The following IHO1 variants were observed in gnomAD, a reference collection of about 807,000 sequenced individuals.
The protein encoded by IHO1 is interactor of HORMAD1 protein 1.
A neutral mutation model predicts 31.0 loss-of-function variants in IHO1; 13 were observed. The ratio of observed to expected loss-of-function variants is 0.42; its 90% CI spans 0.27 to 0.67. IHO1 has a LOEUF of 0.67. Among genes scored for constraint, IHO1 ranks in the 30% least tolerant of loss-of-function variants. The probability of loss-of-function intolerance (pLI) is 0.24; values close to 1 mark genes in which losing one functional copy is unlikely to be tolerated. For synonymous variants in IHO1, 221 were observed against 248.4 expected (o/e 0.89, Z 1.04); for missense variants, 599 against 687.5 (o/e 0.87, Z 1.44).
the IHO1 span, among the ~76,000 whole-genome samples, chr3:49,193,239 G>T: frequency 6.6e-6 from 1 of 151,964 alleles, no homozygotes; most frequent in South Asian, 2.1e-4. Context: ...GGGTGTGGTG[G>T]CACACGCCTG....
At chr3:49,229,306 A>G (rs2046455126) in intron 2 of IHO1, among the ~76,000 whole-genome samples, 1 of 152,224 alleles carries the variant, frequency 6.6e-6, no homozygotes, top group Non-Finnish European at 1.5e-5. Flanking sequence ...GAAACCCCGC[A>G]AAAGTTCCAA....
chr3:49,226,838 C>T (rs2046424756), intron 2 of IHO1, among the ~76,000 whole-genome samples: 2 of 152,156 alleles, frequency 1.3e-5, no homozygotes, highest in South Asian at 2.1e-4. Context: ...CCAGATCTAC[C>T]TTGATCTGCT....
intron 2 of IHO1, among the ~76,000 whole-genome samples, chr3:49,224,298 C>T (rs747087978): frequency 1.1e-4 from 17 of 151,906 alleles, no homozygotes; most frequent in Non-Finnish European, 1.5e-4. Flanking sequence ...TTCCACCTGG[C>T]AGCAATTTTG....
upstream of IHO1, among the ~76,000 whole-genome samples, chr3:49,196,950 G>C (rs1325308534): frequency 7.2e-6 from 1 of 138,958 alleles, no homozygotes; most frequent in African/African-American, 2.7e-5. Flanking sequence ...GATTACAGGA[G>C]TGAGCCACTG....
intron 1 of IHO1, chr3:49,200,522 A>AGG (rs2046055327): frequency 2.1e-6 from 2 of 962,892 alleles, no homozygotes; most frequent in South Asian, 9.6e-5. Context: ...AAAGAAAAGA[A>AGG]AAAAGATTGT....
Position 49,204,040 on chromosome 3 carries a change from C to T in IHO1, c.-16+4467C>T, listed in dbSNP as rs996217548. Among the ~76,000 whole-genome samples the T allele has an allele frequency of 2.0e-5, 3 of 152,070 alleles. No homozygotes were observed. The East Asian group carries it at 5.8e-4, about 29-fold the overall frequency. On this transcript the variant is annotated intron_variant, in intron 1 of 7. Transcript: ENST00000452691. The stretch of plus-strand genomic sequence containing the variant: ...AATTTATTTCTCACAGTTTTTGAGG[C>T]TAGAAAGTTCAATATCAAGGTACCA...
At chr3:49,204,856 C>T (rs565412195) in intron 1 of IHO1, among the ~76,000 whole-genome samples, 1 of 151,840 alleles carries the variant, frequency 6.6e-6, no homozygotes, top group Admixed American at 6.6e-5. Context: ...AACCCCATCT[C>T]TACTAAAAAA....
chr3:49,203,794 A>T (rs1014762470), intron 1 of IHO1, among the ~76,000 whole-genome samples: 23 of 152,162 alleles, frequency 1.5e-4, no homozygotes, highest in Non-Finnish European at 4.4e-5. Context: ...AGGAATTAGT[A>T]TAGTATTTGC....
At chr3:49,202,894 C>T (rs1292240559) in intron 1 of IHO1, among the ~76,000 whole-genome samples, 10 of 127,634 alleles carry the variant, frequency 7.8e-5, no homozygotes, top group Non-Finnish European at 1.3e-4. Context: ...CTCGCTCTGT[C>T]GCCCAGGCCG....
chr3:49,229,790 T>C (rs1281809944), intron 2 of IHO1, among the ~76,000 whole-genome samples: 3 of 152,210 alleles, frequency 2.0e-5, no homozygotes, highest in Non-Finnish European at 2.9e-5. Context: ...ATATTTTGCA[T>C]TGTGAAGGGC....
At chr3:49,245,605 G>T (rs1323257104) in intron 6 of IHO1, 2 of 152,202 alleles carry the variant, frequency 1.3e-5, no homozygotes, top group Admixed American at 1.3e-4. Context: ...TAAATATACA[G>T]TTCTCCTTGG....
chr3:49,228,854 A>G (rs2046447645), intron 2 of IHO1, among the ~76,000 whole-genome samples: 1 of 152,204 alleles, frequency 6.6e-6, no homozygotes, highest in Non-Finnish European at 1.5e-5. Flanking sequence ...AGGAGACCTG[A>G]GCGGGTTGCC....
the IHO1 span, among the ~76,000 whole-genome samples, chr3:49,193,075 A>G: frequency 6.6e-6 from 1 of 152,134 alleles, no homozygotes; most frequent in Non-Finnish European, 1.5e-5. Flanking sequence ...ACAGAGGTAA[A>G]TCTTAAAAAT....
chr3:49,249,648 C>T (rs529910709), intron 6 of IHO1, among the ~76,000 whole-genome samples: 46 of 152,280 alleles, frequency 3.0e-4, no homozygotes, highest in Non-Finnish European at 6.2e-4. Flanking sequence ...GAGTGAGATC[C>T]ATCTATATGA....
At chr3:49,202,495 TTG>T (rs113425200) in intron 1 of IHO1, among the ~76,000 whole-genome samples, 5,740 of 129,614 alleles carry the variant, frequency 0.044, 132 homozygotes, top group African/African-American at 0.06. Context: ...CCGGCTAATT[TTG>T]TGTGTGTGTG....
At chr3:49,236,836 C>T in intron 3 of IHO1, 114 bp downstream of exon 3, 1 of 983,256 alleles carries the variant, frequency 1.0e-6, no homozygotes, top group Non-Finnish European at 1.5e-6. Context: ...AATCCCTGCA[C>T]TTGGGGAGGC....
intron 2 of IHO1, among the ~76,000 whole-genome samples, chr3:49,229,724 C>T (rs969707031): frequency 6.6e-6 from 1 of 152,164 alleles, no homozygotes; most frequent in Non-Finnish European, 1.5e-5. Context: ...CAATTCAACC[C>T]ACTTAATTTA....
chr3:49,230,843 G>A (rs549284250), intron 2 of IHO1, among the ~76,000 whole-genome samples: 3 of 152,110 alleles, frequency 2.0e-5, no homozygotes, highest in Non-Finnish European at 4.4e-5. Flanking sequence ...GATACAACCT[G>A]TTCTAGGCAT....
chr3:49,224,946 A>G (rs2046401051), intron 2 of IHO1, among the ~76,000 whole-genome samples: 1 of 152,182 alleles, frequency 6.6e-6, no homozygotes, highest in Admixed American at 6.5e-5. Flanking sequence ...TTTGACACCT[A>G]GTATGCCATT....
Sources: allele counts gnomAD v4.1 joint callset (sites outside exome capture counted in the v4.1 genomes callset), GRCh38; gene constraint gnomAD v4.1.1; transcripts MANE v1.5; gene names NCBI Gene and HGNC (gene_info 2026-07-23, HGNC 2026-07-21).